The following CYSLTR1 variants were observed in gnomAD, a reference collection of about 807,000 sequenced individuals.
CYSLTR1 encodes cysteinyl leukotriene receptor 1.
CYSLTR1 carries 1 observed loss-of-function variant against 2.1 expected under a neutral mutation model. The ratio of observed to expected loss-of-function variants is 0.48; its 90% confidence interval spans 0.17 to 2.28. The LOEUF is 2.28. Ranked by LOEUF, CYSLTR1 falls within the 30% of genes most tolerant of loss-of-function variation. The pLI is 0.26. For missense variants in CYSLTR1, 299 were observed against 250.1 expected, an observed-to-expected ratio of 1.20 and a Z score of -1.32; for synonymous variants, 110 against 89.6, an observed-to-expected ratio of 1.23 and a Z score of -1.28.
chrX:78,279,286 G>T (rs988132912), intron 2 of CYSLTR1, among the ~76,000 whole-genome samples: 17 of 110,889 alleles, frequency 1.5e-4, no homozygotes, highest in African/African-American at 4.9e-4. Flanking sequence ...AAAAAAATGG[G>T]CAATGGACAT....
chrX:78,299,668 C>G (rs1396902268), intron 1 of CYSLTR1, among the ~76,000 whole-genome samples: 1 of 111,344 alleles, frequency 9.0e-6, no homozygotes, highest in Non-Finnish European at 1.9e-5. Context: ...GGTATTGGAG[C>G]TTCATTGTAT....
intron 1 of CYSLTR1, among the ~76,000 whole-genome samples, chrX:78,290,675 C>G (rs1459350283): frequency 4.5e-5 from 5 of 111,453 alleles, no homozygotes; most frequent in Admixed American, 2.9e-4. Context: ...CCTTCACATC[C>G]CTTGTAAGTT....
At chrX:78,277,526 G>C (rs969741810) in intron 2 of CYSLTR1, among the ~76,000 whole-genome samples, 2 of 111,673 alleles carry the variant, frequency 1.8e-5, no homozygotes, top group East Asian at 5.6e-4. Flanking sequence ...CTATTGATGT[G>C]TTGTTGTCAG....
chrX:78,309,878 CA>C (rs962440677), intron 1 of CYSLTR1, among the ~76,000 whole-genome samples: 1 of 111,688 alleles, frequency 9.0e-6, no homozygotes, highest in Non-Finnish European at 1.9e-5. Flanking sequence ...TCAGATTCCA[CA>C]AAGCCTTTCA....
chrX:78,289,939 T>C (rs1043010761), intron 1 of CYSLTR1, among the ~76,000 whole-genome samples: 41 of 112,087 alleles, frequency 3.7e-4, no homozygotes, highest in Non-Finnish European at 6.6e-4. Flanking sequence ...TGGTAGTTTC[T>C]TCTGCTGTGC....
intron 1 of CYSLTR1, among the ~76,000 whole-genome samples, chrX:78,284,045 C>G (rs1167500479): frequency 1.8e-5 from 2 of 112,040 alleles, no homozygotes; most frequent in Non-Finnish European, 3.8e-5. Context: ...CACTCTTCTC[C>G]TTATAAACTA....
chrX:78,306,241 G>A (rs895259172), intron 1 of CYSLTR1, among the ~76,000 whole-genome samples: 1 of 110,890 alleles, frequency 9.0e-6, no homozygotes, highest in Non-Finnish European at 1.9e-5. Context: ...TTGGCTCACG[G>A]CAATCTCTGC....
intron 1 of CYSLTR1, among the ~76,000 whole-genome samples, chrX:78,297,428 T>A (rs1219169586): frequency 8.9e-6 from 1 of 111,814 alleles, no homozygotes; most frequent in Non-Finnish European, 1.9e-5. Context: ...TGTTCCCTCC[T>A]CCTCTATTTT....
intron 1 of CYSLTR1, among the ~76,000 whole-genome samples, chrX:78,321,912 C>A (rs1235644859): frequency 9.0e-6 from 1 of 111,181 alleles, no homozygotes; most frequent in African/African-American, 3.3e-5. Context: ...ATACGCCTGC[C>A]AAGATTTCCT....
chrX:78,304,680 C>T (rs1268604820), intron 1 of CYSLTR1, among the ~76,000 whole-genome samples: 1 of 111,134 alleles, frequency 9.0e-6, no homozygotes, highest in Non-Finnish European at 1.9e-5. Context: ...CTCCCCAAAC[C>T]TCCGTGACTT....
At chrX:78,282,060 A>G (rs1921867104) in intron 2 of CYSLTR1, among the ~76,000 whole-genome samples, 1 of 112,066 alleles carries the variant, frequency 8.9e-6, no homozygotes, top group Admixed American at 9.5e-5. Flanking sequence ...CTATTTTAGT[A>G]TGCCAGTGAC....
rs1387256578 is a variant in CYSLTR1 at position 78,273,137 on chromosome X, T to A, written c.610A>T (p.Ile204Phe). 1 of 1,208,949 alleles carries A rather than the reference T, an allele frequency of 8.3e-7. No individual in the cohort carries two copies. Residue 204 changes from isoleucine to phenylalanine, a missense_variant, in exon 3 of 3, where the codon ATT becomes TTT. Transcript: ENST00000373304. ...ATCATTGTGTAACAGACAATTATAATAACAAAAGGGATGATAAAGCCAACA... is the reference window on the plus strand; with the variant it reads ...ATCATTGTGTAACAGACAATTATAAAAACAAAAGGGATGATAAAGCCAACA... ...LFVGFIIPFV[I>F]IIVCYTMIIL...
chrX:78,326,278 T>C (rs1216739668), intron 1 of CYSLTR1, among the ~76,000 whole-genome samples: 1 of 112,557 alleles, frequency 8.9e-6, no homozygotes, highest in Non-Finnish European at 1.9e-5. Flanking sequence ...TAAAATTGTC[T>C]TGTAACAAAT....
intron 1 of CYSLTR1, among the ~76,000 whole-genome samples, chrX:78,287,001 A>C (rs766562762): frequency 9.0e-6 from 1 of 111,010 alleles, no homozygotes; most frequent in South Asian, 3.8e-4. Context: ...CACATTTTTC[A>C]TTGGTTGTTT....
intron 1 of CYSLTR1, among the ~76,000 whole-genome samples, chrX:78,294,767 G>A (rs1922504715): frequency 8.9e-6 from 1 of 112,875 alleles, no homozygotes; most frequent in Admixed American, 9.3e-5. Flanking sequence ...AAGGCTCTGT[G>A]TGCGTGTGAC....
chrX:78,285,857 C>A (rs1406716637), intron 1 of CYSLTR1, among the ~76,000 whole-genome samples: 1 of 111,852 alleles, frequency 8.9e-6, no homozygotes, highest in Non-Finnish European at 1.9e-5. Context: ...TTGTCTCTGA[C>A]AGGAGCTCTG....
chrX:78,308,424 C>G (rs921410747), intron 1 of CYSLTR1, among the ~76,000 whole-genome samples: 7 of 111,349 alleles, frequency 6.3e-5, no homozygotes, highest in South Asian at 3.7e-4. Flanking sequence ...TTAATTAATT[C>G]AGCTAAATTT....
intron 2 of CYSLTR1, among the ~76,000 whole-genome samples, chrX:78,275,740 A>T (rs899470005): frequency 1.8e-5 from 2 of 111,701 alleles, no homozygotes; most frequent in Admixed American, 9.5e-5. Context: ...TAATAATAAT[A>T]AAAAAAGAAA....
At chrX:78,320,378 A>G (rs1603412478) in intron 1 of CYSLTR1, 2 of 111,645 alleles carry the variant, frequency 1.8e-5, no homozygotes, top group African/African-American at 6.5e-5. Context: ...TCCTTTCCCC[A>G]TTGCTTGTTT....
Sources: gnomAD v4.1 joint callset for allele counts (sites outside exome capture counted in the v4.1 genomes callset) on GRCh38, gnomAD v4.1.1 for gene constraint, MANE v1.5 for transcripts, NCBI Gene and HGNC (gene_info 2026-07-23, HGNC 2026-07-21) for gene names.